Variants in CPT1A observed in about 807,000 individuals in gnomAD.
CPT1A encodes the protein carnitine palmitoyltransferase 1A.
A neutral mutation model predicts 100.8 loss-of-function variants in CPT1A; 64 were observed. The observed-to-expected ratio is 0.63, with a 90% CI of 0.52 to 0.78. CPT1A has a LOEUF of 0.78. Ranked by LOEUF, CPT1A falls within the 30% of genes least tolerant of loss-of-function variation. The pLI is 0.00. For missense variants in CPT1A, 802 were observed against 1,034.1 expected, an observed-to-expected ratio of 0.78 and a Z score of 3.08; for synonymous variants, 363 against 396.0, an observed-to-expected ratio of 0.92 and a Z score of 0.99.
intron 1 of CPT1A, among the ~76,000 whole-genome samples, chr11:68,832,349 CTG>C (rs367875873): frequency 4.6e-4 from 70 of 152,326 alleles, no homozygotes; most frequent in African/African-American, 1.6e-3. Flanking sequence ...ACTAGGGAAA[CTG>C]AGACAGGAGA....
intron 16 of CPT1A, 66 bp downstream of exon 16, chr11:68,761,469 G>T: frequency 6.5e-7 from 1 of 1,535,154 alleles, no homozygotes; most frequent in Admixed American, 1.7e-5. Context: ...TTCATGCAAG[G>T]CTGTAGTAAT....
At chr11:68,803,844 G>GA (rs11311321) in intron 5 of CPT1A, among the ~76,000 whole-genome samples, 156 bp downstream of exon 5, 76 of 108,866 alleles carry the variant, frequency 7.0e-4, no homozygotes, top group Admixed American at 7.9e-4. Flanking sequence ...ATGCATTGGA[G>GA]AAAAAAAAAA....
intron 1 of CPT1A, among the ~76,000 whole-genome samples, chr11:68,833,777 A>T (rs1167614047): frequency 6.6e-6 from 1 of 152,168 alleles, no homozygotes; most frequent in African/African-American, 2.4e-5. Context: ...AACCTGATGG[A>T]AGCACCTTAG....
chr11:68,815,313 T>C (rs780557118), intron 2 of CPT1A, 21 bp downstream of exon 2: 1 of 1,613,228 alleles, frequency 6.2e-7, no homozygotes, highest in Non-Finnish European at 8.5e-7. Flanking sequence ...ACTGTGTAGA[T>C]TTCAACAAAT....
At chr11:68,798,490 C>G (rs1002404906) in intron 6 of CPT1A, among the ~76,000 whole-genome samples, 3 of 152,144 alleles carry the variant, frequency 2.0e-5, no homozygotes, top group Admixed American at 6.5e-5. Flanking sequence ...AGACTCCCTC[C>G]CTTGCTTTGT....
At chr11:68,760,117 G>T in intron 17 of CPT1A, 108 bp downstream of exon 17, 1 of 764,550 alleles carries the variant, frequency 1.3e-6, no homozygotes. Context: ...TACGGCGGTA[G>T]AACCGCAAGG....
At chr11:68,806,354 C>A (rs943011229) in intron 4 of CPT1A, among the ~76,000 whole-genome samples, 1 of 151,866 alleles carries the variant, frequency 6.6e-6, no homozygotes, top group Non-Finnish European at 1.5e-5. Context: ...AAATTGAGAC[C>A]GGGTGTGATG....
Position 68,760,188 on chromosome 11 carries a change from C to A in CPT1A, c.2142+37G>T, listed in dbSNP as rs373584669. ...CACCCCATTACCCATCCCATCACCA[C>A]GCCCCACTGCGCCTCGCCCAGCCCC... is the stretch of plus-strand genomic sequence containing the variant. On this transcript the variant is annotated intron_variant, in intron 17 of 18. Transcript: ENST00000265641. 5 of 1,448,172 alleles carry A rather than the reference C, an allele frequency of 3.5e-6. No homozygotes were observed. In the South Asian group the frequency reaches 6.0e-5, roughly 17 times the overall value. 89.7% of individuals were successfully genotyped at this position (1,448,172 alleles called of 1,614,324 possible).
chr11:68,807,335 A>G, intron 4 of CPT1A, 132 bp downstream of exon 4: 1 of 904,442 alleles, frequency 1.1e-6, no homozygotes, highest in African/African-American at 1.6e-5. Flanking sequence ...CCAGCCATTC[A>G]AGGTTGAGGC....
In CPT1A at chr11:68,762,835, A is replaced by T; in HGVS notation, c.1741-74T>A. 1.3e-6 allele frequency: 2 copies of T among 1,592,714 alleles called. 1 individual carries two copies. Among genetic ancestry groups the T allele is most frequent in the Non-Finnish European group, 1.7e-6 (2 of 1,164,192 alleles). Reference sequence around the variant, plus strand: ...CTAAAACGTAAGGAAGGATTGGGTAAGATTGGCAAGGAGACGTGGACTTCA... The same window carrying T: ...CTAAAACGTAAGGAAGGATTGGGTATGATTGGCAAGGAGACGTGGACTTCA... On this transcript the variant is annotated intron_variant, in intron 14 of 18. Transcript: ENST00000265641.
chr11:68,813,056 CA>C (rs751161035), intron 2 of CPT1A, among the ~76,000 whole-genome samples: 368 of 126,534 alleles, frequency 2.9e-3, no homozygotes, highest in Non-Finnish European at 3.0e-3. Flanking sequence ...ATACTCCAGC[CA>C]AAAAAAAAAA....
chr11:68,758,172 G>A (rs1354331248), intron 18 of CPT1A, among the ~76,000 whole-genome samples: 1 of 152,154 alleles, frequency 6.6e-6, no homozygotes, highest in East Asian at 1.9e-4. Flanking sequence ...GGAGGCTGAA[G>A]TAGGAGGATC....
chr11:68,813,658 C>A (rs1196999273), intron 2 of CPT1A, among the ~76,000 whole-genome samples: 2 of 148,368 alleles, frequency 1.3e-5, no homozygotes, highest in African/African-American at 5.0e-5. Context: ...GATCGCACCA[C>A]TGCACTCCAC....
chr11:68,821,137 A>G (rs1339351785), intron 1 of CPT1A, among the ~76,000 whole-genome samples: 1 of 152,054 alleles, frequency 6.6e-6, no homozygotes, highest in Non-Finnish European at 1.5e-5. Flanking sequence ...TGTCTGGCTA[A>G]TTTTTGTATT....
intron 12 of CPT1A, among the ~76,000 whole-genome samples, chr11:68,780,312 T>G (rs1167390114): frequency 1.3e-5 from 2 of 152,258 alleles, no homozygotes; most frequent in East Asian, 3.8e-4. Flanking sequence ...AGACAGAGTC[T>G]CGCTCTGTCG....
intron 1 of CPT1A, among the ~76,000 whole-genome samples, chr11:68,833,588 C>T (rs1225861852): frequency 1.3e-5 from 2 of 152,144 alleles, no homozygotes; most frequent in African/African-American, 2.4e-5. Context: ...GAAACCCCAT[C>T]TCTACTAAAA....
intron 9 of CPT1A, among the ~76,000 whole-genome samples, chr11:68,786,617 G>A (rs1033627857): frequency 2.0e-5 from 3 of 152,152 alleles, no homozygotes; most frequent in Non-Finnish European, 2.9e-5. Context: ...TGCAACCTCC[G>A]CCTCCCGGGT....
At chr11:68,800,438 C>A (rs1855873734) in intron 5 of CPT1A, among the ~76,000 whole-genome samples, 1 of 149,432 alleles carries the variant, frequency 6.7e-6, no homozygotes, top group African/African-American at 2.5e-5. Context: ...CCCAAGCAAT[C>A]TTGACCAGTT....
rs141041562 is a variant in CPT1A, at chr11:68,787,696, C to G, written c.968-2686G>C. ...GTGGCTCACGTCTATAATCCCAGCACTTTGGGAGGCCGAGGTGGGCAGATC... is the reference window on the plus strand; with the variant it reads ...GTGGCTCACGTCTATAATCCCAGCAGTTTGGGAGGCCGAGGTGGGCAGATC... On this transcript the variant is annotated intron_variant, in intron 9 of 18. Coordinates refer to ENST00000265641, the MANE Select transcript of CPT1A (RefSeq NM_001876.4). Among the ~76,000 whole-genome samples the G allele has an allele frequency of 9.5e-3, 1,450 of 152,150 alleles. 28 individuals carry two copies. Among genetic ancestry groups the G allele is most frequent in the African/African-American group, 0.034 (1,400 of 41,500 alleles).
Sources: gnomAD v4.1 joint callset for allele counts (sites outside exome capture counted in the v4.1 genomes callset) on GRCh38, gnomAD v4.1.1 for gene constraint, MANE v1.5 for transcripts, NCBI Gene and HGNC (gene_info 2026-07-23, HGNC 2026-07-21) for gene names.